The following ADAM23 variants were observed in gnomAD, a reference collection of about 807,000 sequenced individuals.
The protein encoded by ADAM23 is ADAM metallopeptidase domain 23.
A neutral mutation model predicts 120.1 loss-of-function variants in ADAM23; 33 were observed. The observed-to-expected ratio is 0.27, with a 90% CI of 0.21 to 0.37. The LOEUF is 0.37. Ranked by LOEUF, ADAM23 falls within the 10% of genes least tolerant of loss-of-function variation. The pLI, the probability that ADAM23 is intolerant of heterozygous loss-of-function variation, is 1.00. For missense variants in ADAM23, 862 were observed against 1,058.2 expected (o/e 0.81, Z 2.57); for synonymous variants, 367 against 375.2 (o/e 0.98, Z 0.25).
At chr2:206,470,284 C>T (rs545383608) in intron 2 of ADAM23, among the ~76,000 whole-genome samples, 2 of 152,036 alleles carry the variant, frequency 1.3e-5, no homozygotes, top group Middle Eastern at 3.4e-3. Context: ...CTTCAAGGCT[C>T]CATCTAATTT....
At chr2:206,480,677 C>A (rs946260143) in intron 2 of ADAM23, among the ~76,000 whole-genome samples, 5 of 151,980 alleles carry the variant, frequency 3.3e-5, no homozygotes, top group African/African-American at 1.2e-4. Context: ...AAACATATGA[C>A]TCTTAAAGGG....
At chr2:206,520,132 A>G (rs1018641722) in intron 3 of ADAM23, among the ~76,000 whole-genome samples, 1 of 152,202 alleles carries the variant, frequency 6.6e-6, no homozygotes, top group Non-Finnish European at 1.5e-5. Flanking sequence ...AGAGAAATCA[A>G]GGGTGACAAC....
chr2:206,473,968 C>T (rs1489429005), intron 2 of ADAM23, among the ~76,000 whole-genome samples: 1 of 148,098 alleles, frequency 6.8e-6, no homozygotes, highest in Non-Finnish European at 1.5e-5. Flanking sequence ...GTTGTGATTG[C>T]ACCACTCCAC....
At chr2:206,444,378 A>G (rs1695031561) in intron 1 of ADAM23, among the ~76,000 whole-genome samples, 1 of 152,168 alleles carries the variant, frequency 6.6e-6, no homozygotes, top group Admixed American at 6.5e-5. Context: ...AGGGGCAACC[A>G]GTGGATGGGA....
chr2:206,538,845 C>T (rs2105804412), intron 4 of ADAM23, among the ~76,000 whole-genome samples: 1 of 152,226 alleles, frequency 6.6e-6, no homozygotes, highest in Non-Finnish European at 1.5e-5. Context: ...TCCTCCTGGG[C>T]TTAAGCAATC....
chr2:206,595,889 A>G (rs1050554708), intron 23 of ADAM23, among the ~76,000 whole-genome samples, 162 bp from the exon 24 acceptor site: 52 of 152,142 alleles, frequency 3.4e-4, no homozygotes, highest in African/African-American at 1.2e-3. Context: ...TGATCTATGC[A>G]TTATTACCTT....
At chr2:206,591,713 A>G (rs1698429785) in intron 21 of ADAM23, among the ~76,000 whole-genome samples, 1 of 152,190 alleles carries the variant, frequency 6.6e-6, no homozygotes, top group Non-Finnish European at 1.5e-5. Context: ...ATTGTTACCA[A>G]ATAATGTCAG....
At chr2:206,594,389 T>C in intron 22 of ADAM23, among the ~76,000 whole-genome samples, 1 of 152,238 alleles carries the variant, frequency 6.6e-6, no homozygotes, top group East Asian at 1.9e-4. Flanking sequence ...CTGAAAGCCT[T>C]GGAGAGCTAA....
At chr2:206,598,835 G>A (rs1032760046) in intron 24 of ADAM23, among the ~76,000 whole-genome samples, 1 of 152,122 alleles carries the variant, frequency 6.6e-6, no homozygotes, top group Admixed American at 6.5e-5. Context: ...AGGAGACAGA[G>A]GTTGCAGTGA....
intron 3 of ADAM23, among the ~76,000 whole-genome samples, chr2:206,499,318 A>G (rs1455673829): frequency 3.3e-5 from 5 of 151,740 alleles, no homozygotes; most frequent in Admixed American, 1.3e-4. Flanking sequence ...CAGCCATAAA[A>G]AAGGATGAGT....
chr2:206,604,807 C>T (rs1415555284), intron 24 of ADAM23, among the ~76,000 whole-genome samples: 1 of 152,106 alleles, frequency 6.6e-6, no homozygotes, highest in African/African-American at 2.4e-5. Flanking sequence ...TCTCAGAGCA[C>T]ACAATACATG....
At chr2:206,605,560 A>G (rs1042981076) in intron 24 of ADAM23, among the ~76,000 whole-genome samples, 3 of 152,240 alleles carry the variant, frequency 2.0e-5, no homozygotes, top group South Asian at 2.1e-4. Flanking sequence ...ATAAGTACGT[A>G]TAAGATAATT....
At chr2:206,545,449 G>T (rs1697377387) in intron 6 of ADAM23, among the ~76,000 whole-genome samples, 1 of 152,078 alleles carries the variant, frequency 6.6e-6, no homozygotes, top group Non-Finnish European at 1.5e-5. Flanking sequence ...TTGCACCTTT[G>T]CACTCCAGCC....
chr2:206,496,742 G>C (rs1696257358), intron 3 of ADAM23, among the ~76,000 whole-genome samples: 1 of 152,034 alleles, frequency 6.6e-6, no homozygotes. Context: ...CAACAAAATT[G>C]ATAGACTGCT....
intron 2 of ADAM23, among the ~76,000 whole-genome samples, chr2:206,478,954 C>T (rs1175324663): frequency 6.6e-6 from 1 of 152,150 alleles, no homozygotes; most frequent in East Asian, 1.9e-4. Flanking sequence ...TCCCTGTGGC[C>T]CATTAGACAA....
At chr2:206,592,545 G>T in intron 21 of ADAM23, 72 bp from the exon 22 acceptor site, 2 of 1,552,104 alleles carry the variant, frequency 1.3e-6, no homozygotes, top group East Asian at 2.3e-5. Flanking sequence ...AATCAATGTG[G>T]ACCGAATCGT....
Position 206,592,687 on chromosome 2 carries a change from G to A in ADAM23, c.2029G>A (p.Glu677Lys), listed in dbSNP as rs1698447733. Reference sequence around the variant, plus strand: ...TCCACGTATTGGTCAACTTCAGGGTGAGATCATTCCAACTTCCTTCTACCA... The same window carrying A: ...TCCACGTATTGGTCAACTTCAGGGTAAGATCATTCCAACTTCCTTCTACCA... ...RAPRIGQLQGEIIPTSFYHQG... is the reference protein window; with the variant it reads ...RAPRIGQLQGKIIPTSFYHQG... The change falls in exon 22 of 26, where the codon GAG (glutamate) becomes AAG (lysine). Residue 677 changes from glutamate (E) to lysine (K), a missense_variant. By Grantham distance (56) the Glu-to-Lys change is moderately conservative (BLOSUM62 1). Around this residue, in one of 4 missense-constraint regions of ADAM23, gnomAD observed 617 missense variants for 813.5 expected, o/e 0.76. Transcript: ENST00000264377. 1 of 1,613,928 alleles carries A rather than the reference G, an allele frequency of 6.2e-7. No homozygotes were observed.
At chr2:206,454,563 C>G (rs768430292) in intron 2 of ADAM23, among the ~76,000 whole-genome samples, 1 of 152,208 alleles carries the variant, frequency 6.6e-6, no homozygotes, top group Admixed American at 6.5e-5. Context: ...TTAACTCATT[C>G]CAGTGTTAAC....
intron 3 of ADAM23, among the ~76,000 whole-genome samples, chr2:206,510,550 C>T (rs574831805): frequency 1.3e-5 from 2 of 152,186 alleles, no homozygotes; most frequent in Non-Finnish European, 2.9e-5. Flanking sequence ...CATCATGGGT[C>T]TTTTTAGCAT....
Sources: gnomAD v4.1 joint callset for allele counts (sites outside exome capture counted in the v4.1 genomes callset) on GRCh38, gnomAD v4.1.1 for gene constraint, gnomAD v4.1.1 regional missense constraint, MANE v1.5 for transcripts, NCBI Gene and HGNC (gene_info 2026-07-23, HGNC 2026-07-21) for gene names.